Variants in FER observed in about 807,000 individuals in gnomAD.
FER encodes the protein FER tyrosine kinase.
In FER, 63 loss-of-function variants were observed where a neutral mutation model predicts 111.0. That is an observed-to-expected ratio of 0.57 (90% CI 0.46 to 0.70). The LOEUF (loss-of-function observed/expected upper bound fraction) is 0.70, where lower values mean the gene tolerates loss of function less well. Ranked by LOEUF, FER falls within the 30% of genes least tolerant of loss-of-function variation. The probability of loss-of-function intolerance (pLI) is 0.00; values close to 1 mark genes in which losing one functional copy is unlikely to be tolerated. For synonymous variants in FER, 327 were observed against 313.9 expected, an observed-to-expected ratio of 1.04 and a Z score of -0.44; for missense variants, 914 against 954.0, an observed-to-expected ratio of 0.96 and a Z score of 0.55.
chr5:108,843,003 T>G (rs781733360), intron 5 of FER: 2 of 152,194 alleles, frequency 1.3e-5, no homozygotes, highest in Non-Finnish European at 2.9e-5. Context: ...AACCCAAATG[T>G]CCATCAATAA....
chr5:108,839,764 A>C (rs1160171289), intron 5 of FER, among the ~76,000 whole-genome samples: 2 of 151,778 alleles, frequency 1.3e-5, no homozygotes, highest in Admixed American at 6.6e-5. Flanking sequence ...TTTTTAGTAG[A>C]GATGGGGTTT....
chr5:108,963,563 AAAAAC>A (rs925732610), intron 13 of FER, among the ~76,000 whole-genome samples: 15 of 152,202 alleles, frequency 9.9e-5, no homozygotes, highest in Admixed American at 8.5e-4. Flanking sequence ...CTCCATCTCA[AAAAAC>A]AAAACAAAAC....
chr5:108,944,057 A>G (rs528490506), intron 10 of FER, among the ~76,000 whole-genome samples: 1 of 152,040 alleles, frequency 6.6e-6, no homozygotes, highest in East Asian at 1.9e-4. Flanking sequence ...AACTGATAAT[A>G]GATAAACTTG....
At chr5:108,857,553 C>T (rs551860032) in intron 5 of FER, among the ~76,000 whole-genome samples, 55 of 152,054 alleles carry the variant, frequency 3.6e-4, no homozygotes, top group African/African-American at 1.1e-3. Context: ...TATGTAAATA[C>T]GGTGTTACTC....
At chr5:108,819,287 C>G (rs1758598832) in intron 3 of FER, among the ~76,000 whole-genome samples, 1 of 151,576 alleles carries the variant, frequency 6.6e-6, no homozygotes, top group Non-Finnish European at 1.5e-5. Context: ...CCTGTAATTC[C>G]AAAGTGCTGG....
At chr5:109,180,926 TTAA>T in intron 18 of FER, 25 bp downstream of exon 18, 1 of 1,553,972 alleles carries the variant, frequency 6.4e-7, no homozygotes, top group Non-Finnish European at 8.7e-7. Flanking sequence ...CATTTTTTTT[TTAA>T]TGGTAAAAAT....
Position 108,883,453 on chromosome 5 carries a change from G to A in FER, c.981G>A (p.Glu327=). Residue 327 remains glutamate (E), a synonymous_variant, in exon 9 of 20, where the codon GAG becomes GAA. Transcript: ENST00000281092. ...MQTQQMLLNK[E]EAVLELEKRI... ...CACAGCAGATGCTTTTAAACAAGGA[G>A]GAGGCTGTTTTGGAGTTAGAGAAGA... is the stretch of plus-strand genomic sequence containing the variant. 1.2e-6 allele frequency: 2 copies of A among 1,609,358 alleles called. No homozygotes were observed. The highest frequency in any genetic ancestry group is 1.7e-6 in the Non-Finnish European group (2 of 1,176,928).
intron 17 of FER, among the ~76,000 whole-genome samples, chr5:109,173,742 G>T (rs1757386294): frequency 7.1e-6 from 1 of 141,626 alleles, no homozygotes; most frequent in Non-Finnish European, 1.5e-5. Context: ...TGAGTAAGTG[G>T]TATAATATGT....
rs201171281 is a variant in FER, at chr5:108,866,686, TA to T, written c.482-1072del. ...GAATGCAAATAAAATTTATTTACAT[TA>T]AAAAAAAAGATCTGTTTCTGGGGAG... On this transcript the variant is annotated intron_variant, in intron 5 of 19. Coordinates refer to ENST00000281092, the MANE Select transcript of FER (RefSeq NM_005246.4). Among the ~76,000 whole-genome samples the T allele has an allele frequency of 2.3e-3, 354 of 151,094 alleles. 8 individuals carry two copies. In the East Asian group the frequency reaches 0.052, roughly 22 times the overall value.
chr5:108,839,625 T>A (rs2150150252), intron 5 of FER, among the ~76,000 whole-genome samples: 1 of 143,090 alleles, frequency 7.0e-6, no homozygotes, highest in South Asian at 2.3e-4. Context: ...CCTCCCAGGC[T>A]GGAGTGCAGT....
intron 18 of FER, among the ~76,000 whole-genome samples, chr5:109,182,214 C>T (rs1353041651): frequency 6.6e-6 from 1 of 152,086 alleles, no homozygotes; most frequent in Non-Finnish European, 1.5e-5. Flanking sequence ...TTATGTTTAA[C>T]TTTTTGAGGA....
At chr5:108,966,537 G>A (rs541933471) in intron 13 of FER, among the ~76,000 whole-genome samples, 27 of 151,734 alleles carry the variant, frequency 1.8e-4, no homozygotes, top group South Asian at 6.2e-4. Flanking sequence ...ACAGGCACGT[G>A]CCACCACGCC....
intron 17 of FER, among the ~76,000 whole-genome samples, chr5:109,134,478 T>C (rs1372998048): frequency 6.6e-6 from 1 of 152,212 alleles, no homozygotes; most frequent in Non-Finnish European, 1.5e-5. Context: ...CATACTGATA[T>C]GATTATACTC....
Position 108,897,866 on chromosome 5 carries a change from C to G in FER, c.1236+18C>G. ...CATCTATGGTAAGCTAAAGAATAAT[C>G]CAATGAGAAACTTGGAAGAGTAGTG... On this transcript the variant is annotated intron_variant, in intron 10 of 19. Coordinates refer to ENST00000281092, the MANE Select transcript of FER (RefSeq NM_005246.4). 5.1e-6 allele frequency: 8 copies of G among 1,572,904 alleles called. No homozygotes were observed. Among genetic ancestry groups the G allele is most frequent in the African/African-American group, 1.4e-5 (1 of 72,530 alleles).
chr5:108,796,116 T>C (rs1430796471), intron 2 of FER, among the ~76,000 whole-genome samples: 1 of 152,234 alleles, frequency 6.6e-6, no homozygotes, highest in African/African-American at 2.4e-5. Context: ...CACTATGATT[T>C]AAGTGGACTT....
Position 109,054,514 on chromosome 5 carries a change from G to T in FER, c.1924+7316G>T, listed in dbSNP as rs1386179917. On this transcript the variant is annotated intron_variant, in intron 16 of 19. Transcript: ENST00000281092. ...AAGTCTTGGTTCTTTACATATTCTG[G>T]ATACAAATCCTTTTTCTCTCAGTCT... Among the ~76,000 whole-genome samples, 3 of 152,166 alleles carry T rather than the reference G, an allele frequency of 2.0e-5. No individual in the cohort carries two copies. In the East Asian group the frequency reaches 5.8e-4, roughly 29 times the overall value.
At chr5:109,113,341 G>A (rs1021050942) in intron 17 of FER, among the ~76,000 whole-genome samples, 7 of 152,102 alleles carry the variant, frequency 4.6e-5, no homozygotes, top group African/African-American at 1.7e-4. Flanking sequence ...CAGAAAAGGT[G>A]TAGACTATAT....
chr5:109,060,051 C>A (rs1009057308), intron 16 of FER, among the ~76,000 whole-genome samples: 4 of 152,108 alleles, frequency 2.6e-5, no homozygotes, highest in Non-Finnish European at 4.4e-5. Flanking sequence ...CAAAAACTAT[C>A]CCAAGTGAAG....
chr5:108,827,765 C>G (rs1217304944), intron 3 of FER, among the ~76,000 whole-genome samples: 36 of 148,446 alleles, frequency 2.4e-4, no homozygotes, highest in Admixed American at 2.4e-3. Flanking sequence ...ATAATGTTTT[C>G]CTTTTTATAA....
Sources: allele counts gnomAD v4.1 joint callset (sites outside exome capture counted in the v4.1 genomes callset), GRCh38; gene constraint gnomAD v4.1.1; transcripts MANE v1.5; gene names NCBI Gene and HGNC (gene_info 2026-07-23, HGNC 2026-07-21).